IL7R: variants seen among roughly 807,000 people sequenced by gnomAD.
The protein encoded by IL7R is interleukin 7 receptor, also known as interleukin-7 receptor subunit alpha.
In IL7R, 38 loss-of-function variants were observed where a neutral mutation model predicts 47.0. The observed-to-expected ratio is 0.81, with a 90% confidence interval of 0.62 to 1.06. The LOEUF is 1.06. Ranked by LOEUF, IL7R falls within the 50% of genes least tolerant of loss-of-function variation. The pLI is 0.00. For synonymous variants in IL7R, 221 were observed against 199.8 expected (o/e 1.11, Z -0.89); for missense variants, 633 against 534.8 (o/e 1.18, Z -1.81).
rs1474726217 is a variant in IL7R at position 35,879,001 on chromosome 5, T to C, written c.*2515T>C. 8.6e-6 allele frequency: 2 copies of C among 232,816 alleles called. No individual in the cohort carries two copies. The highest frequency in any genetic ancestry group is 1.7e-5 in the Non-Finnish European group (2 of 117,870). 14.4% of individuals were successfully genotyped at this position (232,816 alleles called of 1,614,324 possible). ...TCATATAATCATAACTGCTGTTAAT[T>C]CTTGATTATATACCTAGGGACAATG... On this transcript the variant is annotated 3_prime_UTR_variant, in exon 8 of 8. Coordinates refer to ENST00000303115, the MANE Select transcript of IL7R (RefSeq NM_002185.5).
At chr5:35,860,540 A>C (rs1430766968) in intron 1 of IL7R, among the ~76,000 whole-genome samples, 1 of 152,214 alleles carries the variant, frequency 6.6e-6, no homozygotes, top group Non-Finnish European at 1.5e-5. Flanking sequence ...AATACAGAAA[A>C]GAATGTGTTC....
rs1170834519 is a variant in IL7R at position 35,867,472 on chromosome 5, T to A, written c.379+9T>A. The A allele has an allele frequency of 6.2e-7, 1 of 1,610,016 alleles. No homozygotes were observed. The highest frequency in any genetic ancestry group is 2.2e-5 in the East Asian group (1 of 44,866). ...AGACCTAACCACTATAGGTAAGAAG[T>A]TGTATATAAAAGTATGGTTGTCACT... is the stretch of plus-strand genomic sequence containing the variant. On this transcript the variant is annotated intron_variant, in intron 3 of 7. Transcript: ENST00000303115.
chr5:35,861,695 A>G (rs2149896160), intron 2 of IL7R, among the ~76,000 whole-genome samples: 1 of 120,820 alleles, frequency 8.3e-6, no homozygotes, highest in Middle Eastern at 3.9e-3. Context: ...CTCACAGAAA[A>G]GACAAAGGAA....
At chr5:35,865,865 C>T (rs1759926300) in intron 2 of IL7R, among the ~76,000 whole-genome samples, 1 of 152,154 alleles carries the variant, frequency 6.6e-6, no homozygotes, top group Non-Finnish European at 1.5e-5. Flanking sequence ...TGCTCATCAT[C>T]AATGGCCATC....
At chr5:35,858,038 A>G (rs1055382888) in intron 1 of IL7R, among the ~76,000 whole-genome samples, 3 of 152,158 alleles carry the variant, frequency 2.0e-5, no homozygotes, top group Non-Finnish European at 4.4e-5. Context: ...TATATGACTC[A>G]CTTTATGGGG....
At position 35,876,770 on chromosome 5, in the gene IL7R, G is replaced by C; in HGVS notation, c.*284G>C. 9.1e-6 allele frequency: 4 copies of C among 439,746 alleles called. No homozygotes were observed. Among genetic ancestry groups the C allele is most frequent in the East Asian group, 3.7e-5 (1 of 26,824 alleles). The allele number at this position is 439,746 out of a possible 1,614,324, so 27.2% of individuals were successfully genotyped here. ...AAAAAAAAGAGGAAAGAATGAAAGAGTAAAGGAAATGATTGAGGAGTGAGG... is the reference window on the plus strand; with the variant it reads ...AAAAAAAAGAGGAAAGAATGAAAGACTAAAGGAAATGATTGAGGAGTGAGG... On this transcript the variant is annotated 3_prime_UTR_variant, in exon 8 of 8. Transcript: ENST00000303115.
intron 2 of IL7R, among the ~76,000 whole-genome samples, chr5:35,864,464 A>AAG (rs1759890861): frequency 6.6e-6 from 1 of 152,172 alleles, no homozygotes. Flanking sequence ...CAGTTTTTCA[A>AAG]AGTGGTTATA....
At chr5:35,857,099 C>A in intron 1 of IL7R, 40 bp downstream of exon 1, 1 of 1,268,694 alleles carries the variant, frequency 7.9e-7, no homozygotes, top group South Asian at 1.2e-5. Context: ...TTTGGATTAT[C>A]TGTAGCATGG....
intron 6 of IL7R, 67 bp downstream of exon 6, chr5:35,874,609 A>G: frequency 1.7e-6 from 2 of 1,195,484 alleles, no homozygotes; most frequent in Admixed American, 1.7e-5. Flanking sequence ...CTTAAGCCCC[A>G]TTTATTGATG....
intron 3 of IL7R, among the ~76,000 whole-genome samples, chr5:35,868,396 T>C (rs562207591): frequency 7.2e-5 from 11 of 152,286 alleles, no homozygotes; most frequent in Admixed American, 7.2e-4. Context: ...TTTGTTTCAC[T>C]AAGATGATAA....
At chr5:35,868,140 C>A (rs1759984368) in intron 3 of IL7R, among the ~76,000 whole-genome samples, 2 of 152,156 alleles carry the variant, frequency 1.3e-5, no homozygotes, top group Admixed American at 1.3e-4. Flanking sequence ...AGACTTGCTT[C>A]TTCTTCAGGG....
At chr5:35,861,203 A>G (rs566211234) in intron 2 of IL7R, among the ~76,000 whole-genome samples, 2 of 152,280 alleles carry the variant, frequency 1.3e-5, no homozygotes, top group South Asian at 4.1e-4. Context: ...CCTGAGACTC[A>G]GTCAAATGAT....
At chr5:35,871,839 T>C (rs1018692790) in intron 4 of IL7R, among the ~76,000 whole-genome samples, 3 of 152,184 alleles carry the variant, frequency 2.0e-5, no homozygotes, top group Non-Finnish European at 4.4e-5. Context: ...TACCAGGTTA[T>C]GAGATTTCTC....
intron 2 of IL7R, among the ~76,000 whole-genome samples, chr5:35,866,562 A>G (rs1759945524): frequency 6.6e-6 from 1 of 152,138 alleles, no homozygotes; most frequent in Non-Finnish European, 1.5e-5. Context: ...TTTATTGATA[A>G]TAAGTTTAAT....
rs752565106 is a variant in IL7R at position 35,876,210 on chromosome 5, A to G, written c.1104A>G (p.Thr368=). 6 of 1,614,144 alleles carry G rather than the reference A, an allele frequency of 3.7e-6. No homozygotes were observed. In the South Asian group the frequency reaches 4.4e-5, roughly 12 times the overall value. ...PESFGRDSSL[T]CLAGNVSACD... is the part of the protein sequence containing the mutation. ...GCTTTGGAAGAGATTCATCCCTCACATGCCTGGCTGGGAATGTCAGTGCAT... is the reference window on the plus strand; with the variant it reads ...GCTTTGGAAGAGATTCATCCCTCACGTGCCTGGCTGGGAATGTCAGTGCAT... The change falls in exon 8 of 8, where the codon ACA becomes ACG. Residue 368 remains threonine, a synonymous_variant. Coordinates refer to ENST00000303115, the MANE Select transcript of IL7R (RefSeq NM_002185.5).
chr5:35,875,632 C>T (rs1248317681), intron 7 of IL7R, 45 bp downstream of exon 7: 1 of 1,341,458 alleles, frequency 7.5e-7, no homozygotes, highest in South Asian at 1.2e-5. Context: ...GGCAACATCC[C>T]AGTGGCCAAG....
rs542540664 is a variant in IL7R at position 35,864,025 on chromosome 5, C to T, written c.221+3035C>T. The stretch of plus-strand genomic sequence containing the variant: ...TTATTTTTCCCCTAGAAGGATGCTT[C>T]ATGTTCCTTTCCAGTCAATCTTCAT... On this transcript the variant is annotated intron_variant, in intron 2 of 7. Coordinates refer to ENST00000303115, the MANE Select transcript of IL7R (RefSeq NM_002185.5). Among the ~76,000 whole-genome samples the T allele has an allele frequency of 1.6e-4, 24 of 152,234 alleles. No individual in the cohort carries two copies. The East Asian group carries it at 4.4e-3, about 28-fold the overall frequency.
chr5:35,873,099 G>A (rs11567762), intron 4 of IL7R: 43,353 of 247,554 alleles, frequency 0.18, 5,618 homozygotes, highest in East Asian at 0.52. Flanking sequence ...ATGTAAAATG[G>A]CGTCTTTCTG....
chr5:35,879,474 C>T lies in IL7R; in HGVS notation c.*2988C>T, dbSNP rs764027982. 2 of 232,386 alleles carry T rather than the reference C, an allele frequency of 8.6e-6. No homozygotes were observed. The highest frequency in any genetic ancestry group is 1.7e-5 in the Non-Finnish European group (2 of 117,574). The allele number at this position is 232,386 out of a possible 1,614,324, so 14.4% of individuals were successfully genotyped here. On this transcript the variant is annotated 3_prime_UTR_variant, in exon 8 of 8. Transcript: ENST00000303115. ...TCTTTAAAATATCCATTGTTCACTACAGTGAAGATCTCTGATTTAACCGTG... is the reference window on the plus strand; with the variant it reads ...TCTTTAAAATATCCATTGTTCACTATAGTGAAGATCTCTGATTTAACCGTG...
Sources: gnomAD v4.1 joint callset for allele counts (sites outside exome capture counted in the v4.1 genomes callset) on GRCh38, gnomAD v4.1.1 for gene constraint, MANE v1.5 for transcripts, NCBI Gene and HGNC (gene_info 2026-07-23, HGNC 2026-07-21) for gene names.